ZPLD1: variants seen among roughly 807,000 people sequenced by gnomAD.
The protein encoded by ZPLD1 is zona pellucida like domain containing 1, also known as zona pellucida-like domain-containing protein 1.
ZPLD1 carries 34 observed loss-of-function variants against 47.2 expected under a neutral mutation model. The ratio of observed to expected loss-of-function variants is 0.72; its 90% CI spans 0.55 to 0.96. The LOEUF (loss-of-function observed/expected upper bound fraction) is 0.96. Ranked by LOEUF, ZPLD1 falls within the 40% of genes least tolerant of loss-of-function variation. The pLI, the probability that ZPLD1 is intolerant of heterozygous loss-of-function variation, is 0.00. For synonymous variants in ZPLD1, 176 were observed against 186.2 expected (o/e 0.95, Z 0.45); for missense variants, 512 against 505.8 (o/e 1.01, Z -0.12).
intron 10 of ZPLD1, among the ~76,000 whole-genome samples, chr3:102,472,706 G>A (rs1040735676): frequency 2.6e-5 from 4 of 152,152 alleles, no homozygotes; most frequent in African/African-American, 7.2e-5. Flanking sequence ...TTTCCATGGA[G>A]CATATCTAGA....
At chr3:102,466,522 T>G (rs1337122464) in intron 8 of ZPLD1, among the ~76,000 whole-genome samples, 1 of 152,148 alleles carries the variant, frequency 6.6e-6, no homozygotes, top group Non-Finnish European at 1.5e-5. Context: ...CACATTAATT[T>G]TTAAAAAGCA....
At position 102,448,236 on chromosome 3, in the gene ZPLD1, G is replaced by A. The variant is rs181003274; in HGVS notation, c.107-4683G>A. ...AACTCTGTCTGCAGGCCTGCCATTT[G>A]ACATACTTAGTATCTTTAAGCATAA... is the stretch of plus-strand genomic sequence containing the variant. On this transcript the variant is annotated intron_variant, in intron 3 of 11. Coordinates refer to ENST00000466937, the MANE Select transcript of ZPLD1 (RefSeq NM_001329788.2). Among the ~76,000 whole-genome samples the A allele has an allele frequency of 3.3e-5, 5 of 152,272 alleles. 1 individual carries two copies. Among genetic ancestry groups the A allele is most frequent in the Admixed American group, 3.3e-4 (5 of 15,298 alleles).
intron 8 of ZPLD1, among the ~76,000 whole-genome samples, chr3:102,467,836 TACACACACAC>T (rs61096565): frequency 7.8e-5 from 11 of 140,982 alleles, no homozygotes; most frequent in East Asian, 2.1e-4. Flanking sequence ...AATAAAACTG[TACACACACAC>T]ACACACACAC....
At chr3:102,391,497 A>G (rs1345267029) in intron 6 of ZPLD1, among the ~76,000 whole-genome samples, 1 of 152,094 alleles carries the variant, frequency 6.6e-6, no homozygotes, top group Non-Finnish European at 1.5e-5. Context: ...CGGTATAAAA[A>G]GTGATACAGT....
chr3:102,468,795 T>A (rs1707636582), intron 8 of ZPLD1, among the ~76,000 whole-genome samples, 169 bp from the exon 9 acceptor site: 2 of 152,228 alleles, frequency 1.3e-5, no homozygotes, highest in Non-Finnish European at 2.9e-5. Flanking sequence ...GGTTTTATTG[T>A]CATATCTGTT....
chr3:102,430,013 T>C (rs551748803), intron 8 of ZPLD1, among the ~76,000 whole-genome samples: 4 of 152,190 alleles, frequency 2.6e-5, no homozygotes, highest in Admixed American at 1.3e-4. Flanking sequence ...TTTACTTTAA[T>C]GCACCCCTAG....
At chr3:102,409,016 T>A (rs1490136489) in intron 7 of ZPLD1, among the ~76,000 whole-genome samples, 1 of 151,812 alleles carries the variant, frequency 6.6e-6, no homozygotes, top group Non-Finnish European at 1.5e-5. Context: ...GACAAAAACA[T>A]ACTGTCTTTG....
At chr3:102,393,671 A>G (rs1367648875) in intron 7 of ZPLD1, among the ~76,000 whole-genome samples, 1 of 152,124 alleles carries the variant, frequency 6.6e-6, no homozygotes, top group Non-Finnish European at 1.5e-5. Flanking sequence ...ACTCTGGATA[A>G]AACACTTAGG....
intron 7 of ZPLD1, among the ~76,000 whole-genome samples, chr3:102,394,956 G>C (rs1350872371): frequency 6.6e-6 from 1 of 152,134 alleles, no homozygotes; most frequent in Non-Finnish European, 1.5e-5. Context: ...GCCATTATAG[G>C]TGCAAAGCAC....
chr3:102,477,636 T>C lies in ZPLD1; in HGVS notation c.*18T>C. On this transcript the variant is annotated 3_prime_UTR_variant, in exon 12 of 12. Coordinates refer to ENST00000466937, the MANE Select transcript of ZPLD1 (RefSeq NM_001329788.2). ...TTGACTGACTATAACAGATTCCTGCTCTCTGGAGAAGGCTTCACTGACTAA... is the reference window on the plus strand; with the variant it reads ...TTGACTGACTATAACAGATTCCTGCCCTCTGGAGAAGGCTTCACTGACTAA... 6.3e-7 allele frequency: 1 copy of C among 1,594,202 alleles called. No individual in the cohort carries two copies. Among genetic ancestry groups the C allele is most frequent in the Non-Finnish European group, 8.5e-7 (1 of 1,171,338 alleles).
intron 7 of ZPLD1, among the ~76,000 whole-genome samples, chr3:102,417,880 T>C (rs1341035345): frequency 1.3e-5 from 2 of 150,642 alleles, no homozygotes; most frequent in Non-Finnish European, 3.0e-5. Flanking sequence ...CAAACGCAGG[T>C]AGGGGAAAAA....
At chr3:102,461,448 A>G (rs1707506021) in intron 6 of ZPLD1, among the ~76,000 whole-genome samples, 1 of 152,014 alleles carries the variant, frequency 6.6e-6, no homozygotes, top group Admixed American at 6.5e-5. Flanking sequence ...TAAGCTCTCT[A>G]GAACTGGTCC....
Position 102,462,304 on chromosome 3 carries a change from A to C in ZPLD1, c.606A>C (p.Leu202Phe), listed in dbSNP as rs1216091946. 6.2e-7 allele frequency: 1 copy of C among 1,610,724 alleles called. No individual in the cohort carries two copies. Among genetic ancestry groups the C allele is most frequent in the African/African-American group, 1.3e-5 (1 of 74,734 alleles). The stretch of plus-strand genomic sequence containing the variant: ...AGGATTCAACCTACAACCAGCAGTT[A>C]ATTATCCCCAGTATAGGATTACCTT... ...LYNDSTYNQQ[L>F]IIPSIGLPLK... The change falls in exon 7 of 12, where the codon TTA becomes TTC. Residue 202 changes from leucine to phenylalanine, a missense_variant. Coordinates refer to ENST00000466937, the MANE Select transcript of ZPLD1 (RefSeq NM_001329788.2).
chr3:102,430,027 T>G (rs1351208686), upstream of ZPLD1, among the ~76,000 whole-genome samples: 2 of 152,192 alleles, frequency 1.3e-5, no homozygotes, highest in Non-Finnish European at 2.9e-5. Context: ...CCCCTAGTAT[T>G]ATAACAGTAG....
At chr3:102,462,431 C>T (rs1707523358) in intron 7 of ZPLD1, 53 bp downstream of exon 7, 3 of 1,226,360 alleles carry the variant, frequency 2.4e-6, no homozygotes, top group Non-Finnish European at 3.5e-6. Context: ...CTGCCTAAAT[C>T]CTCATGAGTC....
At chr3:102,428,184 G>A (rs1023889451) in intron 8 of ZPLD1, among the ~76,000 whole-genome samples, 4 of 152,104 alleles carry the variant, frequency 2.6e-5, no homozygotes, top group Admixed American at 1.3e-4. Context: ...CTGTATAAAC[G>A]TGAGAGACAA....
upstream of ZPLD1, among the ~76,000 whole-genome samples, chr3:102,430,478 G>A (rs544747600): frequency 2.0e-5 from 3 of 152,230 alleles, no homozygotes; most frequent in Admixed American, 6.5e-5. Flanking sequence ...TAAAGCTTAT[G>A]TTTGTTTTGC....
chr3:102,396,556 G>A (rs975043697), intron 7 of ZPLD1, among the ~76,000 whole-genome samples: 3 of 152,168 alleles, frequency 2.0e-5, no homozygotes, highest in East Asian at 1.9e-4. Context: ...GTGAAAAAAC[G>A]TGCCCATCAG....
chr3:102,474,963 A>G (rs1357409567), intron 10 of ZPLD1, among the ~76,000 whole-genome samples: 1 of 152,032 alleles, frequency 6.6e-6, no homozygotes, highest in East Asian at 1.9e-4. Flanking sequence ...TTCCCTTTCA[A>G]GGCTATACAG....
Sources: gnomAD v4.1 joint callset for allele counts (sites outside exome capture counted in the v4.1 genomes callset) on GRCh38, gnomAD v4.1.1 for gene constraint, MANE v1.5 for transcripts, NCBI Gene and HGNC (gene_info 2026-07-23, HGNC 2026-07-21) for gene names.